CDH2: variants seen among roughly 807,000 people sequenced by gnomAD.
CDH2 encodes cadherin-2.
In CDH2, 17 loss-of-function variants were observed where a neutral mutation model predicts 92.0. The observed-to-expected ratio is 0.18, with a 90% CI of 0.13 to 0.28. The LOEUF (loss-of-function observed/expected upper bound fraction) is 0.28, where lower values mean the gene tolerates loss of function less well. Among genes scored for constraint, CDH2 ranks in the 10% least tolerant of loss-of-function variants. The pLI, the probability that CDH2 is intolerant of heterozygous loss-of-function variation, is 1.00. For missense variants in CDH2, 862 were observed against 1,133.1 expected, an observed-to-expected ratio of 0.76 and a Z score of 3.44; for synonymous variants, 419 against 415.9, an observed-to-expected ratio of 1.01 and a Z score of -0.09.
chr18:28,076,943 C>T (rs1488238761), intron 2 of CDH2, among the ~76,000 whole-genome samples: 6 of 152,052 alleles, frequency 3.9e-5, no homozygotes, highest in Non-Finnish European at 8.8e-5. Context: ...AGGAAATACT[C>T]TATATAGTAG....
chr18:28,148,271 A>C (rs1177731513), intron 1 of CDH2, among the ~76,000 whole-genome samples: 1 of 152,232 alleles, frequency 6.6e-6, no homozygotes, highest in Non-Finnish European at 1.5e-5. Context: ...TACTTACAAC[A>C]GTGGGACAGA....
intron 2 of CDH2, among the ~76,000 whole-genome samples, chr18:28,025,823 C>A (rs935353520): frequency 6.6e-6 from 1 of 151,812 alleles, no homozygotes; most frequent in African/African-American, 2.4e-5. Context: ...AGTGCATATA[C>A]GATTTTGAAT....
At chr18:28,129,652 C>T (rs1199480715) in intron 2 of CDH2, among the ~76,000 whole-genome samples, 2 of 152,068 alleles carry the variant, frequency 1.3e-5, no homozygotes, top group Non-Finnish European at 2.9e-5. Flanking sequence ...ACATAGTGAG[C>T]TTCTGTCTCT....
At chr18:27,981,279 AAT>A (rs2012044245) in intron 14 of CDH2, among the ~76,000 whole-genome samples, 2 of 152,232 alleles carry the variant, frequency 1.3e-5, no homozygotes, top group African/African-American at 4.8e-5. Flanking sequence ...GAATGTGATC[AAT>A]ATGTTTGTTG....
intron 14 of CDH2, among the ~76,000 whole-genome samples, chr18:27,965,299 A>G (rs1453459306): frequency 1.3e-5 from 2 of 152,242 alleles, no homozygotes; most frequent in Non-Finnish European, 2.9e-5. Context: ...ACTCACATAC[A>G]TACGCTGATG....
chr18:27,952,494 A>T, intron 15 of CDH2, 135 bp from the exon 16 acceptor site: 1 of 679,598 alleles, frequency 1.5e-6, no homozygotes, highest in Non-Finnish European at 2.5e-6. Flanking sequence ...CCATATTTTC[A>T]ACACATGGAA....
At position 28,176,994 on chromosome 18, in the gene CDH2, G is replaced by T. The variant is rs773400550; in HGVS notation, c.29C>A (p.Thr10Asn). 14 of 1,479,120 alleles carry T rather than the reference G, an allele frequency of 9.5e-6. No individual in the cohort carries two copies. The Middle Eastern group carries it at 7.1e-4, about 76-fold the overall frequency. 91.6% of individuals were successfully genotyped at this position (1,479,120 alleles called of 1,614,324 possible). The change falls in exon 1 of 16, where the codon ACC (threonine) becomes AAC (asparagine). Residue 10 changes from threonine (T) to asparagine (N), a missense_variant. Physicochemically the swap from Thr to Asn is moderately conservative, Grantham distance 65. This residue lies in a region of CDH2 where 159 missense variants were observed against 177.2 expected (regional missense o/e 0.90). Coordinates refer to ENST00000269141, the MANE Select transcript of CDH2 (RefSeq NM_001792.5). MCRIAGALR[T>N]LLPLLAALLQ... ...CAGGGCCGCCAGCAGCGGCAGCAGG[G>T]TCCGCAGCGCTCCCGCTATCCGGCA...
intron 10 of CDH2, among the ~76,000 whole-genome samples, chr18:27,989,167 G>A (rs776259605): frequency 3.9e-5 from 6 of 152,130 alleles, no homozygotes; most frequent in Non-Finnish European, 8.8e-5. Context: ...ATTCCTACTT[G>A]AATCTTTCAC....
chr18:28,060,072 AGT>A (rs1325584128), intron 2 of CDH2, among the ~76,000 whole-genome samples: 1 of 152,098 alleles, frequency 6.6e-6, no homozygotes, highest in African/African-American at 2.4e-5. Flanking sequence ...TCCTATCAGG[AGT>A]ACATAACAAC....
At chr18:28,142,817 T>C (rs2015975986) in intron 2 of CDH2, among the ~76,000 whole-genome samples, 1 of 151,936 alleles carries the variant, frequency 6.6e-6, no homozygotes, top group Non-Finnish European at 1.5e-5. Context: ...TGTATCAAAA[T>C]AAAAATATAC....
intron 2 of CDH2, among the ~76,000 whole-genome samples, chr18:28,043,172 A>C (rs1182459603): frequency 2.0e-5 from 3 of 152,156 alleles, no homozygotes; most frequent in African/African-American, 4.8e-5. Context: ...GCTGGAGGCC[A>C]TTATTCTAAG....
At chr18:28,050,297 A>G (rs549265665) in intron 2 of CDH2, among the ~76,000 whole-genome samples, 1 of 152,320 alleles carries the variant, frequency 6.6e-6, no homozygotes, top group East Asian at 1.9e-4. Context: ...ACATTGCAGT[A>G]TTGCTGATAG....
intron 2 of CDH2, among the ~76,000 whole-genome samples, chr18:28,142,898 CA>C (rs1275054089): frequency 1.3e-5 from 2 of 151,962 alleles, no homozygotes; most frequent in African/African-American, 4.8e-5. Context: ...ATACATCATA[CA>C]AAAGTACTCA....
At chr18:27,983,997 C>G (rs376024619) in intron 13 of CDH2, among the ~76,000 whole-genome samples, 7 of 152,176 alleles carry the variant, frequency 4.6e-5, no homozygotes, top group Admixed American at 1.3e-4. Context: ...AGTAAATATC[C>G]TCCTTTTAAA....
At chr18:27,953,403 T>C (rs1909557547) in intron 15 of CDH2, among the ~76,000 whole-genome samples, 1 of 152,192 alleles carries the variant, frequency 6.6e-6, no homozygotes, top group South Asian at 2.1e-4. Context: ...AATTCCATTC[T>C]AGTACTCCTA....
chr18:28,095,807 C>CAAAAAA lies in CDH2; in HGVS notation c.172+51860_172+51865dup, dbSNP rs33981188. Among the ~76,000 whole-genome samples, 348 of 102,862 alleles carry CAAAAAA rather than the reference C, an allele frequency of 3.4e-3. 9 individuals carry two copies. The highest frequency in any genetic ancestry group is 9.8e-3 in the African/African-American group (237 of 24,282). 67.5% of individuals were successfully genotyped at this position (102,862 alleles called of 152,430 possible). A position where few individuals can be genotyped will look rare whatever the true frequency, so the allele number is the denominator to read the frequency against. On this transcript the variant is annotated intron_variant, in intron 2 of 15. Transcript: ENST00000269141. ...CCTGGGCAATAGGATGCAACTCCAT[C>CAAAAAA]AAAAAAAAAAAAAAAAAAGAAAGAA...
chr18:28,148,854 C>G (rs1380171445), intron 1 of CDH2, among the ~76,000 whole-genome samples: 1 of 152,112 alleles, frequency 6.6e-6, no homozygotes, highest in East Asian at 1.9e-4. Context: ...TGAAATTTTG[C>G]AAATACTAAT....
intron 2 of CDH2, among the ~76,000 whole-genome samples, chr18:28,116,443 G>A (rs2015497646): frequency 6.6e-6 from 1 of 152,154 alleles, no homozygotes; most frequent in Admixed American, 6.6e-5. Context: ...TATTTTGAGT[G>A]TCCTTTTATA....
intron 2 of CDH2, among the ~76,000 whole-genome samples, chr18:28,057,384 G>A: frequency 6.6e-6 from 1 of 152,172 alleles, no homozygotes; most frequent in East Asian, 1.9e-4. Context: ...TGAAATTTGA[G>A]GCCAGGCAAG....
Sources: gnomAD v4.1 joint callset for allele counts (sites outside exome capture counted in the v4.1 genomes callset) on GRCh38, gnomAD v4.1.1 for gene constraint, gnomAD v4.1.1 regional missense constraint, MANE v1.5 for transcripts, NCBI Gene and HGNC (gene_info 2026-07-23, HGNC 2026-07-21) for gene names.